COL14A1: variants seen among roughly 807,000 people sequenced by gnomAD.
COL14A1 encodes collagen alpha-1(XIV) chain.
A neutral mutation model predicts 230.3 loss-of-function variants in COL14A1; 136 were observed. That is an observed-to-expected ratio of 0.59 (90% CI 0.51 to 0.68). The LOEUF is 0.68. Among genes scored for constraint, COL14A1 ranks in the 30% least tolerant of loss-of-function variants. The pLI, the probability that COL14A1 is intolerant of heterozygous loss-of-function variation, is 0.00. For missense variants in COL14A1, 1,976 were observed against 2,215.8 expected (o/e 0.89, Z 2.17); for synonymous variants, 792 against 784.1 (o/e 1.01, Z -0.17).
At chr8:120,244,154 T>TAC in intron 20 of COL14A1, 146 bp downstream of exon 20, 2 of 930,396 alleles carry the variant, frequency 2.1e-6, no homozygotes, top group South Asian at 3.4e-5. Flanking sequence ...ATCCTGTCTT[T>TAC]ACACACACAA....
chr8:120,149,583 A>G (rs1815205123), intron 2 of COL14A1, among the ~76,000 whole-genome samples: 1 of 152,198 alleles, frequency 6.6e-6, no homozygotes, highest in African/African-American at 2.4e-5. Context: ...AGCATAATTC[A>G]GAAGTGGTAA....
At chr8:120,341,186 CTGT>C in intron 42 of COL14A1, 136 bp from the exon 43 acceptor site, 1 of 796,876 alleles carries the variant, frequency 1.3e-6, no homozygotes, top group Non-Finnish European at 2.1e-6. Flanking sequence ...TGTTTATTTT[CTGT>C]TGTTGTGTAA....
chr8:120,306,452 T>C (rs1030431035), intron 36 of COL14A1, among the ~76,000 whole-genome samples: 20 of 152,182 alleles, frequency 1.3e-4, no homozygotes, highest in African/African-American at 4.8e-4. Flanking sequence ...AAATAAAGCG[T>C]AATAAACTAA....
chr8:120,133,085 G>A (rs963021715), intron 1 of COL14A1, among the ~76,000 whole-genome samples: 6 of 151,956 alleles, frequency 3.9e-5, no homozygotes, highest in East Asian at 3.9e-4. Context: ...GCATGGTGGC[G>A]CGTGCCTGTA....
At chr8:120,367,272 G>A (rs752729147) in intron 46 of COL14A1, 24 bp downstream of exon 46, 16 of 1,562,024 alleles carry the variant, frequency 1.0e-5, no homozygotes, top group Non-Finnish European at 1.4e-5. Flanking sequence ...CCTAACAAGA[G>A]ACTGCAAATG....
rs554051285 is a variant in COL14A1 at position 120,320,537 on chromosome 8, G to A, written c.4659+4540G>A. ...GAAATGCACTTGAGAAATTGAACTTGAGTCAACTATCTGGGTTTAATTTTT... is the reference window on the plus strand; with the variant it reads ...GAAATGCACTTGAGAAATTGAACTTAAGTCAACTATCTGGGTTTAATTTTT... On this transcript the variant is annotated intron_variant, in intron 40 of 47. Transcript: ENST00000297848. Among the ~76,000 whole-genome samples, 53 of 152,292 alleles carry A rather than the reference G, an allele frequency of 3.5e-4. 3 individuals carry two copies. The highest frequency in any genetic ancestry group is 1.2e-3 in the African/African-American group (49 of 41,564).
intron 12 of COL14A1, 104 bp downstream of exon 12, chr8:120,210,005 T>G (rs1817573578): frequency 1.0e-6 from 1 of 996,320 alleles, no homozygotes; most frequent in Admixed American, 3.9e-5. Flanking sequence ...AAATTTCAGA[T>G]TAGCCAAAAG....
chr8:120,132,722 T>A (rs1384248272), intron 1 of COL14A1, among the ~76,000 whole-genome samples: 1 of 152,092 alleles, frequency 6.6e-6, no homozygotes, highest in Non-Finnish European at 1.5e-5. Context: ...CTTATTTTAA[T>A]GATATGAAAT....
intron 9 of COL14A1, 64 bp from the exon 10 acceptor site, chr8:120,206,879 T>C: frequency 1.4e-6 from 2 of 1,418,162 alleles, no homozygotes; most frequent in Middle Eastern, 1.9e-4. Context: ...TCTAATGAGA[T>C]GTCTTAGCTT....
At chr8:120,288,791 T>C (rs1299129395) in intron 33 of COL14A1, among the ~76,000 whole-genome samples, 1 of 152,178 alleles carries the variant, frequency 6.6e-6, no homozygotes, top group African/African-American at 2.4e-5. Context: ...ATTATTTACC[T>C]ATTAATTTGA....
At chr8:120,304,306 G>C (rs1820797598) in intron 36 of COL14A1, among the ~76,000 whole-genome samples, 2 of 152,120 alleles carry the variant, frequency 1.3e-5, no homozygotes, top group South Asian at 2.1e-4. Flanking sequence ...GTTTGCTCTT[G>C]CTTCTCTCAT....
rs1467429383 is a variant in COL14A1 at position 120,315,924 on chromosome 8, T to C, written c.4606-20T>C. 1 of 1,612,992 alleles carries C rather than the reference T, an allele frequency of 6.2e-7. No individual in the cohort carries two copies. The highest frequency in any genetic ancestry group is 1.8e-4 in the Middle Eastern group (1 of 5,558). The stretch of plus-strand genomic sequence containing the variant: ...CTCATTCCTGTGAACCTGACTCTTT[T>C]TTGTCCCTGTTCTACACAGGGTATC... On this transcript the variant is annotated intron_variant, in intron 39 of 47. Coordinates refer to ENST00000297848, the MANE Select transcript of COL14A1 (RefSeq NM_021110.4).
chr8:120,214,747 A>C (rs1817698637), intron 13 of COL14A1, among the ~76,000 whole-genome samples: 1 of 148,440 alleles, frequency 6.7e-6, no homozygotes, highest in Non-Finnish European at 1.5e-5. Context: ...CCTGGGGGAG[A>C]GAGACAATAA....
chr8:120,285,866 G>A lies in COL14A1; in HGVS notation c.3973G>A (p.Gly1325Arg). Residue 1325 changes from glycine to arginine, a missense_variant, in exon 33 of 48, where the codon GGG becomes AGG. Physicochemically the swap from Gly to Arg is moderately radical, Grantham distance 125 (BLOSUM62 -2). Coordinates refer to ENST00000297848, the MANE Select transcript of COL14A1 (RefSeq NM_021110.4). Reference protein sequence around the residue: ...PLVGVILDNGGKTLTYFNYDQ... With the variant: ...PLVGVILDNGRKTLTYFNYDQ... ...TTTTATTTTTCTTTCAATAGATGGT[G>A]GGAAAACTCTAACATATTTCAACTA... 1 of 1,572,946 alleles carries A rather than the reference G, an allele frequency of 6.4e-7. No individual in the cohort carries two copies. The highest frequency in any genetic ancestry group is 8.7e-7 in the Non-Finnish European group (1 of 1,153,672).
At position 120,244,025 on chromosome 8, in the gene COL14A1, C is replaced by A; in HGVS notation, c.2479+17C>A. On this transcript the variant is annotated intron_variant, in intron 20 of 47. Coordinates refer to ENST00000297848, the MANE Select transcript of COL14A1 (RefSeq NM_021110.4). ...GAAAAACCTGTAAGTGAAGCTTTCT[C>A]CCTTTGAATACAAGCCGACTCATTA... 6.2e-7 allele frequency: 1 copy of A among 1,607,874 alleles called. No homozygotes were observed. The highest frequency in any genetic ancestry group is 8.5e-7 in the Non-Finnish European group (1 of 1,177,174).
At chr8:120,271,623 C>T (rs1458146325) in intron 26 of COL14A1, among the ~76,000 whole-genome samples, 1 of 151,542 alleles carries the variant, frequency 6.6e-6, no homozygotes, top group African/African-American at 2.4e-5. Flanking sequence ...ATAGAATTTC[C>T]AGACAGAGAA....
intron 15 of COL14A1, 115 bp downstream of exon 15, chr8:120,225,329 T>G: frequency 3.5e-6 from 3 of 850,298 alleles, no homozygotes; most frequent in Non-Finnish European, 5.2e-6. Context: ...TTTTAATTTT[T>G]ATTTCTTTTA....
At chr8:120,185,484 A>G (rs1283179806) in intron 5 of COL14A1, among the ~76,000 whole-genome samples, 3 of 152,044 alleles carry the variant, frequency 2.0e-5, no homozygotes, top group Admixed American at 2.0e-4. Flanking sequence ...GTGAGACCCC[A>G]TCTCTACAAA....
At chr8:120,230,553 T>TC (rs1818236062) in intron 18 of COL14A1, among the ~76,000 whole-genome samples, 1 of 152,054 alleles carries the variant, frequency 6.6e-6, no homozygotes, top group South Asian at 2.1e-4. Context: ...CCCCCGTTTT[T>TC]CTCTTGCAAT....
Sources: gnomAD v4.1 joint callset for allele counts (sites outside exome capture counted in the v4.1 genomes callset) on GRCh38, gnomAD v4.1.1 for gene constraint, MANE v1.5 for transcripts, NCBI Gene and HGNC (gene_info 2026-07-23, HGNC 2026-07-21) for gene names.